Variants in C22orf15 observed in about 807,000 individuals in gnomAD.
C22orf15 encodes the protein uncharacterized protein C22orf15.
C22orf15 carries 21 observed loss-of-function variants against 20.3 expected under a neutral mutation model. The observed-to-expected ratio is 1.04, with a 90% CI of 0.74 to 1.49. The LOEUF (loss-of-function observed/expected upper bound fraction) is 1.49, where lower values mean the gene tolerates loss of function less well. C22orf15 is among the 40% of genes most tolerant of loss of function. The pLI is 0.00. For missense variants in C22orf15, 170 were observed against 191.1 expected, an observed-to-expected ratio of 0.89 and a Z score of 0.65; for synonymous variants, 78 against 75.4, an observed-to-expected ratio of 1.03 and a Z score of -0.18.
chr22:23,763,040 G>C lies in C22orf15; in HGVS notation c.-267G>C, dbSNP rs1925972932. ...GAGACCAGCTTGGAAGCTTAGGGGA[G>C]CTGCTGTGGCCCAGGGCTCAGTGGG... On this transcript the variant is annotated 5_prime_UTR_variant, in exon 1 of 6. Transcript: ENST00000402217. 2.0e-6 allele frequency: 1 copy of C among 506,520 alleles called. No homozygotes were observed. Among genetic ancestry groups the C allele is most frequent in the Admixed American group, 4.2e-5 (1 of 23,704 alleles). 31.4% of individuals were successfully genotyped at this position (506,520 alleles called of 1,614,324 possible). A position where few individuals can be genotyped will look rare whatever the true frequency, so the allele number is the denominator to read the frequency against.
Position 23,765,767 on chromosome 22 carries a change from C to A in C22orf15, c.*35C>A. 2 of 1,548,720 alleles carry A rather than the reference C, an allele frequency of 1.3e-6. No homozygotes were observed. The highest frequency in any genetic ancestry group is 1.7e-6 in the Non-Finnish European group (2 of 1,145,222). ...TTGCACACTGTAGTGAGACATCCATCCTGACCCCACCTCATCAGCCAGGGA... is the reference window on the plus strand; with the variant it reads ...TTGCACACTGTAGTGAGACATCCATACTGACCCCACCTCATCAGCCAGGGA... On this transcript the variant is annotated 3_prime_UTR_variant, in exon 6 of 6. Coordinates refer to ENST00000402217, the MANE Select transcript of C22orf15 (RefSeq NM_182520.3).
intron 3 of C22orf15, 45 bp from the exon 4 acceptor site, chr22:23,764,594 A>G: frequency 1.2e-6 from 2 of 1,603,144 alleles, no homozygotes; most frequent in Non-Finnish European, 1.7e-6. Flanking sequence ...AGTAGGGACC[A>G]TTAGGCCAGT....
rs1342774568 is a variant in C22orf15, at chr22:23,763,056, G to A, written c.-251G>A. On this transcript the variant is annotated 5_prime_UTR_variant, in exon 1 of 6. Coordinates refer to ENST00000402217, the MANE Select transcript of C22orf15 (RefSeq NM_182520.3). The stretch of plus-strand genomic sequence containing the variant: ...CTTAGGGGAGCTGCTGTGGCCCAGG[G>A]CTCAGTGGGGAGGAAGAGGAGGCCA... 3.7e-6 allele frequency: 2 copies of A among 535,890 alleles called. No individual in the cohort carries two copies. Among genetic ancestry groups the A allele is most frequent in the Non-Finnish European group, 3.2e-6 (1 of 308,998 alleles). The allele number at this position is 535,890 out of a possible 1,614,324, so 33.2% of individuals were successfully genotyped here.
chr22:23,765,380 C>A (rs1023267811), intron 5 of C22orf15: 4 of 1,551,038 alleles, frequency 2.6e-6, no homozygotes, highest in Non-Finnish European at 3.5e-6. Context: ...TGATCAGGTG[C>A]AAACAGACAA....
intron 3 of C22orf15, 31 bp from the exon 4 acceptor site, chr22:23,764,608 G>A (rs1569146603): frequency 6.2e-7 from 1 of 1,610,778 alleles, no homozygotes; most frequent in Non-Finnish European, 8.5e-7. Context: ...GGCCAGTCAG[G>A]TGTCCTTCAT....
At position 23,764,324 on chromosome 22, in the gene C22orf15, G is replaced by A. The variant is rs1284109019; in HGVS notation, c.177G>A (p.Gly59=). Reference sequence around the variant, plus strand: ...GCCTGGAGGAGGACCTGAAGGAAGGGGCTTCCCGGGCCCAGACCATGGGCA... The same window carrying A: ...GCCTGGAGGAGGACCTGAAGGAAGGAGCTTCCCGGGCCCAGACCATGGGCA... ...LVSLEEDLKE[G]ASRAQTMGNS... is the part of the protein sequence containing the mutation. The change falls in exon 3 of 6, where the codon GGG becomes GGA. Residue 59 remains glycine, a synonymous_variant. Transcript: ENST00000402217. The A allele has an allele frequency of 1.1e-5, 17 of 1,551,468 alleles. No individual in the cohort carries two copies. The highest frequency in any genetic ancestry group is 1.4e-5 in the Non-Finnish European group (16 of 1,146,982).
Position 23,763,197 on chromosome 22 carries a change from C to T in C22orf15, c.-110C>T, listed in dbSNP as rs1925991962. ...CATCCACACTCACACATCCACTTCTCCCTCCAGAGCCCGGCCCTGAAGCAG... is the reference window on the plus strand; with the variant it reads ...CATCCACACTCACACATCCACTTCTTCCTCCAGAGCCCGGCCCTGAAGCAG... On this transcript the variant is annotated 5_prime_UTR_variant, in exon 1 of 6. Coordinates refer to ENST00000402217, the MANE Select transcript of C22orf15 (RefSeq NM_182520.3). 1 of 1,438,750 alleles carries T rather than the reference C, an allele frequency of 7.0e-7. No individual in the cohort carries two copies. The highest frequency in any genetic ancestry group is 9.5e-7 in the Non-Finnish European group (1 of 1,053,650). 89.1% of individuals were successfully genotyped at this position (1,438,750 alleles called of 1,614,324 possible).
chr22:23,765,228 C>T, intron 5 of C22orf15: 1 of 1,461,616 alleles, frequency 6.8e-7, no homozygotes, highest in Non-Finnish European at 9.0e-7. Flanking sequence ...AAGGCGGCAG[C>T]ATGGTGTGTG....
intron 1 of C22orf15, 98 bp from the exon 2 acceptor site, chr22:23,763,989 C>T: frequency 8.3e-7 from 1 of 1,201,868 alleles, no homozygotes. Context: ...GGCCCAGTCG[C>T]AGCTCTGGGA....
At chr22:23,763,741 G>A (rs1229349203) in intron 1 of C22orf15, among the ~76,000 whole-genome samples, 1 of 152,262 alleles carries the variant, frequency 6.6e-6, no homozygotes, top group Non-Finnish European at 1.5e-5. Context: ...CGGAAGGGAA[G>A]AGAGGAGCCG....
At chr22:23,765,247 G>A (rs532600150) in intron 5 of C22orf15, 3 of 1,485,052 alleles carry the variant, frequency 2.0e-6, no homozygotes, top group Middle Eastern at 1.8e-4. Context: ...TGATGGCACG[G>A]CCCACACTGG....
chr22:23,764,366 G>T lies in C22orf15; in HGVS notation c.219G>T (p.Glu73Asp). The change falls in exon 3 of 6, where the codon GAG (glutamate) becomes GAT (aspartate). Residue 73 changes from glutamate to aspartate, a missense_variant. By Grantham distance (45) the Glu-to-Asp change is conservative. Coordinates refer to ENST00000402217, the MANE Select transcript of C22orf15 (RefSeq NM_182520.3). ...CCATGGGCAACTCCCTACTGAAGGA[G>T]CGAGCCATATATGTCCTCGTTCGGA... ...AQTMGNSLLK[E>D]RAIYVLVRII... The T allele has an allele frequency of 1.3e-6, 2 of 1,552,356 alleles. No homozygotes were observed. The highest frequency in any genetic ancestry group is 1.7e-6 in the Non-Finnish European group (2 of 1,147,374).
chr22:23,764,213 C>T (rs1182737763), intron 2 of C22orf15, 40 bp downstream of exon 2: 6 of 1,551,444 alleles, frequency 3.9e-6, no homozygotes, highest in African/African-American at 1.4e-5. Flanking sequence ...TGAGGGGTCC[C>T]AGGCAGGGGT....
At chr22:23,765,360 C>T in intron 5 of C22orf15, 1 of 1,550,926 alleles carries the variant, frequency 6.4e-7, no homozygotes, top group Non-Finnish European at 8.7e-7. Context: ...GCCATGACCT[C>T]TGCCTTGTGT....
At chr22:23,764,741 A>G in intron 4 of C22orf15, 28 bp downstream of exon 4, 1 of 1,613,988 alleles carries the variant, frequency 6.2e-7, no homozygotes, top group Non-Finnish European at 8.5e-7. Context: ...GCCCAGGGGG[A>G]GGGCACACCT....
intron 1 of C22orf15, among the ~76,000 whole-genome samples, chr22:23,763,742 A>T (rs1324413335): frequency 1.3e-5 from 2 of 152,046 alleles, no homozygotes; most frequent in African/African-American, 4.8e-5. Flanking sequence ...GGAAGGGAAG[A>T]GAGGAGCCGG....
intron 5 of C22orf15, chr22:23,765,195 A>G: frequency 6.9e-7 from 1 of 1,446,990 alleles, no homozygotes; most frequent in Non-Finnish European, 9.1e-7. Context: ...AGCTCAGTGC[A>G]CAACTGCTGG....
rs568439746 is a variant in C22orf15, at chr22:23,765,429, T to C, written c.436-292T>C. 7 of 1,551,024 alleles carry C rather than the reference T, an allele frequency of 4.5e-6. No homozygotes were observed. The African/African-American group carries it at 5.5e-5, about 12-fold the overall frequency. ...CTCCTCTTGCAGAATCTGGAATTGC[T>C]GAGAAGTTGCATCAGCAAGAGGGGC... is the stretch of plus-strand genomic sequence containing the variant. On this transcript the variant is annotated intron_variant, in intron 5 of 5. Coordinates refer to ENST00000402217, the MANE Select transcript of C22orf15 (RefSeq NM_182520.3).
At position 23,764,836 on chromosome 22, in the gene C22orf15, C is replaced by T; in HGVS notation, c.369C>T (p.Asn123=). Residue 123 remains asparagine, a synonymous_variant, in exon 5 of 6, where the codon AAC becomes AAT. Transcript: ENST00000402217. ...CAGGCCTCTCCTCTGTGGGCCACAA[C>T]TGGAGGAAGCGTATGGGCACTCGGC... ...RLSGLSSVGH[N]WRKRMGTRRG... is the part of the protein sequence containing the mutation. 1.2e-6 allele frequency: 2 copies of T among 1,613,988 alleles called. No homozygotes were observed. Among genetic ancestry groups the T allele is most frequent in the Non-Finnish European group, 1.7e-6 (2 of 1,179,996 alleles).
Sources: allele counts gnomAD v4.1 joint callset (sites outside exome capture counted in the v4.1 genomes callset), GRCh38; gene constraint gnomAD v4.1.1; transcripts MANE v1.5; gene names NCBI Gene and HGNC (gene_info 2026-07-23, HGNC 2026-07-21).